The following ANKRD11 variants were observed in gnomAD, a reference collection of about 807,000 sequenced individuals.
The protein encoded by ANKRD11 is ankyrin repeat domain 11, also known as ankyrin repeat domain-containing protein 11.
ANKRD11 carries 17 observed loss-of-function variants against 195.7 expected under a neutral mutation model. The observed-to-expected ratio is 0.09, with a 90% CI of 0.06 to 0.13. The LOEUF is 0.13. ANKRD11 is among the 10% of genes least tolerant of loss of function. The pLI, the probability that ANKRD11 is intolerant of heterozygous loss-of-function variation, is 1.00. For missense variants in ANKRD11, 3,735 were observed against 3,566.1 expected (o/e 1.05, Z -1.21); for synonymous variants, 1,953 against 1,528.1 (o/e 1.28, Z -6.49).
Position 89,469,669 on chromosome 16 carries a change from C to T in ANKRD11, c.-145+20576G>A, listed in dbSNP as rs969244508. Among the ~76,000 whole-genome samples the T allele has an allele frequency of 2.0e-5, 3 of 148,732 alleles. No homozygotes were observed. In the South Asian group the frequency reaches 7.0e-4, roughly 35 times the overall value. The stretch of plus-strand genomic sequence containing the variant: ...ATTCCAGCACTTTGGGAGGCTGAGG[C>T]GGGCGGATCACGAGGTCAGGAGATG... On this transcript the variant is annotated intron_variant, in intron 1 of 12. Transcript: ENST00000301030.
At chr16:89,297,494 C>T (rs143305615) in intron 4 of ANKRD11, 16 of 152,238 alleles carry the variant, frequency 1.1e-4, no homozygotes, top group Admixed American at 2.0e-4. Flanking sequence ...TGGCCTCATC[C>T]GGATGTTCAA....
rs1026176760 is a variant in ANKRD11, at chr16:89,301,084, C to A, written c.226+4122G>T. On this transcript the variant is annotated intron_variant, in intron 4 of 12. Coordinates refer to ENST00000301030, the MANE Select transcript of ANKRD11 (RefSeq NM_013275.6). The stretch of plus-strand genomic sequence containing the variant: ...GATGCACAGCAACCTCAAAAACATT[C>A]GCTGGTTGACTGATTATTTATTTAT... 26 of 533,802 alleles carry A rather than the reference C, an allele frequency of 4.9e-5. 1 individual carries two copies. The South Asian group carries it at 6.2e-4, about 13-fold the overall frequency. The allele number at this position is 533,802 out of a possible 1,614,324, so 33.1% of individuals were successfully genotyped here. A position where few individuals can be genotyped will look rare whatever the true frequency, so the allele number is the denominator to read the frequency against.
At chr16:89,368,955 G>C (rs1160096852) in intron 2 of ANKRD11, among the ~76,000 whole-genome samples, 1 of 152,114 alleles carries the variant, frequency 6.6e-6, no homozygotes, top group Non-Finnish European at 1.5e-5. Flanking sequence ...CTAAGAGAAG[G>C]TCTTCGTGCT....
intron 2 of ANKRD11, among the ~76,000 whole-genome samples, chr16:89,326,735 C>T (rs962889374): frequency 3.3e-5 from 5 of 152,106 alleles, no homozygotes; most frequent in Admixed American, 1.3e-4. Context: ...GAGCAAGACC[C>T]TGTGTGAAAA....
At chr16:89,489,654 G>A (rs922895858) in intron 1 of ANKRD11, among the ~76,000 whole-genome samples, 2 of 151,968 alleles carry the variant, frequency 1.3e-5, no homozygotes, top group African/African-American at 2.4e-5. Flanking sequence ...CGGCGCCCCA[G>A]CTCCGCAGAA....
intron 2 of ANKRD11, among the ~76,000 whole-genome samples, chr16:89,329,843 G>A (rs772919986): frequency 6.6e-6 from 1 of 151,858 alleles, no homozygotes; most frequent in Non-Finnish European, 1.5e-5. Context: ...ACTCTCTACT[G>A]AAAATACAAA....
chr16:89,475,278 G>A (rs950579051), intron 1 of ANKRD11, among the ~76,000 whole-genome samples: 2 of 152,194 alleles, frequency 1.3e-5, no homozygotes, highest in African/African-American at 4.8e-5. Flanking sequence ...CAATCATTCT[G>A]ATGATGCAGC....
chr16:89,315,338 G>A (rs573110800), intron 3 of ANKRD11, among the ~76,000 whole-genome samples: 9 of 152,324 alleles, frequency 5.9e-5, no homozygotes, highest in African/African-American at 1.7e-4. Context: ...GGGCGGCGAC[G>A]TGAAGCTATC....
chr16:89,385,156 G>A (rs148463502), intron 2 of ANKRD11, among the ~76,000 whole-genome samples: 262 of 151,628 alleles, frequency 1.7e-3, no homozygotes, highest in Middle Eastern at 0.01. Context: ...GATTACAGGC[G>A]TGAGCCACTG....
intron 2 of ANKRD11, among the ~76,000 whole-genome samples, chr16:89,323,564 A>AGCCG (rs2037494813): frequency 8.0e-5 from 1 of 12,566 alleles, no homozygotes; most frequent in African/African-American, 3.3e-4. Context: ...GGTCTGAGCT[A>AGCCG]AGGGCACGGG....
intron 9 of ANKRD11, chr16:89,278,725 C>T (rs554712035): frequency 9.9e-6 from 5 of 504,052 alleles, no homozygotes; most frequent in Admixed American, 2.3e-5. Context: ...GGGTGGCTCT[C>T]GTGAGGCCGT....
At chr16:89,303,565 T>C (rs537214289) in intron 4 of ANKRD11, among the ~76,000 whole-genome samples, 104 of 152,232 alleles carry the variant, frequency 6.8e-4, no homozygotes, top group Non-Finnish European at 1.2e-3. Flanking sequence ...CCTGCAGCCT[T>C]CCTGTCCCCA....
intron 1 of ANKRD11, among the ~76,000 whole-genome samples, chr16:89,442,971 T>C (rs2043592480): frequency 6.6e-6 from 1 of 152,206 alleles, no homozygotes; most frequent in Non-Finnish European, 1.5e-5. Flanking sequence ...AGGAAGTTTT[T>C]CAAATGTGAA....
intron 1 of ANKRD11, among the ~76,000 whole-genome samples, chr16:89,480,789 T>C (rs750322793): frequency 6.6e-6 from 1 of 152,206 alleles, no homozygotes; most frequent in South Asian, 2.1e-4. Flanking sequence ...TAAAGTCATT[T>C]AGGCAACACA....
At chr16:89,315,430 C>G (rs562362903) in intron 3 of ANKRD11, among the ~76,000 whole-genome samples, 70 of 152,284 alleles carry the variant, frequency 4.6e-4, no homozygotes, top group African/African-American at 1.4e-3. Flanking sequence ...TGCCTCACTG[C>G]TGAAGGCCGC....
At chr16:89,385,090 T>C (rs1158645484) in intron 2 of ANKRD11, among the ~76,000 whole-genome samples, 1 of 152,016 alleles carries the variant, frequency 6.6e-6, no homozygotes, top group Non-Finnish European at 1.5e-5. Flanking sequence ...TTCACCATGT[T>C]GGCCAGGCTG....
rs768889299 is a variant in ANKRD11 at position 89,281,584 on chromosome 16, T to C, written c.4958A>G (p.Lys1653Arg). 8 of 1,614,180 alleles carry C rather than the reference T, an allele frequency of 5.0e-6. No homozygotes were observed. The Middle Eastern group carries it at 4.9e-4, about 100-fold the overall frequency. ...TGGAATAGGAGTCGACTCTTTGAGC[T>C]TTTTGTCTTTAAATGGAGGGTCCAG... Reference protein sequence around the residue: ...PGLDPPFKDKKLKESTPIPPA... With the variant: ...PGLDPPFKDKRLKESTPIPPA... The change falls in exon 9 of 13, where the codon AAG (lysine) becomes AGG (arginine). Residue 1653 changes from lysine (K) to arginine (R), a missense_variant. Lys to Arg is a conservative substitution (Grantham distance 26). Transcript: ENST00000301030. This position sits in a 1 kb window ranked among gnomAD's most constrained non-coding sequence, Gnocchi z 5.5.
At chr16:89,487,117 A>G (rs545051475) in intron 1 of ANKRD11, among the ~76,000 whole-genome samples, 1 of 152,360 alleles carries the variant, frequency 6.6e-6, no homozygotes, top group Admixed American at 6.5e-5. Flanking sequence ...ATTTTTCTAT[A>G]AAGTTTATCA....
Position 89,339,515 on chromosome 16 carries a change from T to C in ANKRD11, c.-59-22437A>G, listed in dbSNP as rs142101349. On this transcript the variant is annotated intron_variant, in intron 2 of 12. Coordinates refer to ENST00000301030, the MANE Select transcript of ANKRD11 (RefSeq NM_013275.6). ...GAAGAGTCAGATATAAAGGTGGCTC[T>C]TTCACAAACCATTTCGGAAATTTAG... Among the ~76,000 whole-genome samples the C allele has an allele frequency of 5.1e-3, 775 of 152,368 alleles. 5 individuals carry two copies. The highest frequency in any genetic ancestry group is 0.018 in the African/African-American group (750 of 41,586).
Sources: gnomAD v4.1 joint callset for allele counts (sites outside exome capture counted in the v4.1 genomes callset) on GRCh38, gnomAD v4.1.1 for gene constraint, Gnocchi (gnomAD v3.1) non-coding constraint, MANE v1.5 for transcripts, NCBI Gene and HGNC (gene_info 2026-07-23, HGNC 2026-07-21) for gene names.